Variants in GRB10 observed in about 807,000 individuals in gnomAD.
GRB10 encodes growth factor receptor-bound protein 10.
A neutral mutation model predicts 80.9 loss-of-function variants in GRB10; 20 were observed. The ratio of observed to expected loss-of-function variants is 0.25; its 90% CI spans 0.17 to 0.36. GRB10 has a LOEUF of 0.36. Ranked by LOEUF, GRB10 falls within the 10% of genes least tolerant of loss-of-function variation. The probability of loss-of-function intolerance (pLI) is 1.00; values close to 1 mark genes in which losing one functional copy is unlikely to be tolerated. For missense variants in GRB10, 548 were observed against 747.7 expected (o/e 0.73, Z 3.12); for synonymous variants, 291 against 291.5 (o/e 1.00, Z 0.02).
chr7:50,720,405 T>C (rs1210281884), intron 4 of GRB10, among the ~76,000 whole-genome samples: 1 of 152,134 alleles, frequency 6.6e-6, no homozygotes, highest in Non-Finnish European at 1.5e-5. Flanking sequence ...TGATGAAAAC[T>C]GGATCGCAAA....
At chr7:50,612,902 A>C in intron 12 of GRB10, 63 bp from the exon 13 acceptor site, 1 of 1,105,056 alleles carries the variant, frequency 9.0e-7, no homozygotes, top group South Asian at 1.3e-5. Context: ...GCTTCTGTCA[A>C]GGCAGGGCTG....
upstream of GRB10, among the ~76,000 whole-genome samples, chr7:50,785,332 G>A (rs545991320): frequency 5.3e-5 from 8 of 152,332 alleles, no homozygotes; most frequent in South Asian, 1.5e-3. Flanking sequence ...TGGCCAAATT[G>A]CATGGGACAA....
chr7:50,756,189 G>A, intron 2 of GRB10, 133 bp from the exon 3 acceptor site: 1 of 397,232 alleles, frequency 2.5e-6, no homozygotes, highest in East Asian at 3.6e-5. Flanking sequence ...ATTTAAGAGT[G>A]TTCTGAAGAA....
chr7:50,770,343 G>C (rs1372216747), intron 2 of GRB10, among the ~76,000 whole-genome samples: 4 of 152,230 alleles, frequency 2.6e-5, no homozygotes, highest in Admixed American at 6.5e-5. Flanking sequence ...GGCCTAAGCT[G>C]CTGAGTTTCT....
At chr7:50,678,521 C>T (rs751797028) in intron 5 of GRB10, among the ~76,000 whole-genome samples, 4 of 149,156 alleles carry the variant, frequency 2.7e-5, no homozygotes, top group African/African-American at 9.7e-5. Flanking sequence ...GGTTCATTAG[C>T]ATTTTATCTG....
At chr7:50,668,203 C>T (rs974429650) in intron 7 of GRB10, among the ~76,000 whole-genome samples, 10 of 152,130 alleles carry the variant, frequency 6.6e-5, no homozygotes, top group African/African-American at 1.9e-4. Flanking sequence ...TGGGAGCCAG[C>T]GGGTATTGGA....
chr7:50,704,629 A>G (rs752947278), intron 4 of GRB10, among the ~76,000 whole-genome samples: 1 of 152,256 alleles, frequency 6.6e-6, no homozygotes, highest in African/African-American at 2.4e-5. Flanking sequence ...GAACTGTGCC[A>G]AAAGTATAAG....
At chr7:50,629,881 G>A (rs1348625461) in intron 7 of GRB10, among the ~76,000 whole-genome samples, 1 of 152,220 alleles carries the variant, frequency 6.6e-6, no homozygotes, top group African/African-American at 2.4e-5. Context: ...CATCTCACAC[G>A]AGGTGGGCCT....
At chr7:50,605,900 G>A (rs1389743433) in intron 14 of GRB10, among the ~76,000 whole-genome samples, 1 of 152,206 alleles carries the variant, frequency 6.6e-6, no homozygotes, top group Non-Finnish European at 1.5e-5. Flanking sequence ...GCTCCTTTGA[G>A]AACAGAGTGC....
chr7:50,636,060 C>G (rs2153601481), intron 7 of GRB10, among the ~76,000 whole-genome samples: 1 of 144,798 alleles, frequency 6.9e-6, no homozygotes, highest in South Asian at 2.2e-4. Flanking sequence ...TCACTGCAAC[C>G]TCTGCCTCCT....
intron 15 of GRB10, chr7:50,604,785 G>A (rs1585537840): frequency 3.0e-6 from 1 of 338,692 alleles, no homozygotes; most frequent in Non-Finnish European, 5.6e-6. Context: ...TACAGAAAAT[G>A]CCAGAGTCCA....
chr7:50,766,059 G>A (rs1234751487), intron 2 of GRB10, among the ~76,000 whole-genome samples: 1 of 152,164 alleles, frequency 6.6e-6, no homozygotes, highest in Non-Finnish European at 1.5e-5. Flanking sequence ...AGTGAAGTGA[G>A]AATTTCACTC....
At chr7:50,639,980 T>C (rs1258233881) in intron 7 of GRB10, among the ~76,000 whole-genome samples, 1 of 152,104 alleles carries the variant, frequency 6.6e-6, no homozygotes, top group African/African-American at 2.4e-5. Flanking sequence ...CATTGGTGGA[T>C]TAAAGGGGAG....
intron 5 of GRB10, among the ~76,000 whole-genome samples, chr7:50,703,298 C>T (rs1480923980): frequency 2.0e-5 from 3 of 152,236 alleles, no homozygotes; most frequent in African/African-American, 7.2e-5. Context: ...AATCCTCAGG[C>T]TCCTCATCCT....
intron 7 of GRB10, among the ~76,000 whole-genome samples, chr7:50,645,093 A>G (rs751177494): frequency 3.3e-5 from 5 of 152,228 alleles, no homozygotes; most frequent in Admixed American, 6.5e-5. Context: ...CAATTACAAC[A>G]TGCCAGAAAA....
rs755085802 is a variant in GRB10 at position 50,604,090 on chromosome 7, G to T, written c.1457-5C>A. 38 of 1,610,460 alleles carry T rather than the reference G, an allele frequency of 2.4e-5. No homozygotes were observed. The highest frequency in any genetic ancestry group is 2.3e-4 in the South Asian group (21 of 90,990). On this transcript the variant is annotated splice_polypyrimidine_tract_variant and splice_region_variant and intron_variant, in intron 16 of 18. Coordinates refer to ENST00000401949, the MANE Select transcript of GRB10 (RefSeq NM_001350814.2). ...AGTGCTGTGTCCTGTGAATCACTGTGGGGGGAAGACAGGAGGAGGGTAGGA... is the reference window on the plus strand; with the variant it reads ...AGTGCTGTGTCCTGTGAATCACTGTTGGGGGAAGACAGGAGGAGGGTAGGA...
intron 2 of GRB10, among the ~76,000 whole-genome samples, chr7:50,775,179 A>AAAAAAAG (rs1562689445): frequency 6.7e-6 from 1 of 148,606 alleles, no homozygotes; most frequent in Non-Finnish European, 1.5e-5. Context: ...AAAAACAAAA[A>AAAAAAAG]AAAACAGTGG....
intron 7 of GRB10, among the ~76,000 whole-genome samples, chr7:50,640,401 C>T (rs560789139): frequency 6.6e-6 from 1 of 152,160 alleles, no homozygotes; most frequent in Non-Finnish European, 1.5e-5. Context: ...AGATGGGTGA[C>T]ATCATGGAGG....
intron 4 of GRB10, among the ~76,000 whole-genome samples, chr7:50,719,513 G>A (rs2067379683): frequency 6.6e-6 from 1 of 150,824 alleles, no homozygotes; most frequent in Non-Finnish European, 1.5e-5. Flanking sequence ...ATCATACACT[G>A]GGGCCTGTCG....
Sources: allele counts gnomAD v4.1 joint callset (sites outside exome capture counted in the v4.1 genomes callset), GRCh38; gene constraint gnomAD v4.1.1; transcripts MANE v1.5; gene names NCBI Gene and HGNC (gene_info 2026-07-23, HGNC 2026-07-21).